Variants in RBPJ observed in about 807,000 individuals in gnomAD.
RBPJ encodes recombination signal binding protein for immunoglobulin kappa J region.
A neutral mutation model predicts 67.8 loss-of-function variants in RBPJ; 9 were observed. That is an observed-to-expected ratio of 0.13 (90% CI 0.08 to 0.23). RBPJ has a LOEUF of 0.23. Ranked by LOEUF, RBPJ falls within the 10% of genes least tolerant of loss-of-function variation. The probability of loss-of-function intolerance (pLI) is 1.00; values close to 1 mark genes in which losing one functional copy is unlikely to be tolerated. For synonymous variants in RBPJ, 198 were observed against 203.3 expected, an observed-to-expected ratio of 0.97 and a Z score of 0.22; for missense variants, 305 against 595.6, an observed-to-expected ratio of 0.51 and a Z score of 5.08.
intron 1 of RBPJ, among the ~76,000 whole-genome samples, chr4:26,340,331 G>A (rs1305959843): frequency 2.0e-5 from 3 of 152,172 alleles, no homozygotes; most frequent in Admixed American, 6.5e-5. Context: ...CCAGGTTGGA[G>A]CAGAGTAGTA....
rs184813064 is a variant in RBPJ, at chr4:26,313,811, G to A, written c.-166-48635G>A. Among the ~76,000 whole-genome samples the A allele has an allele frequency of 5.9e-5, 9 of 152,182 alleles. No homozygotes were observed. The East Asian group carries it at 1.5e-3, about 26-fold the overall frequency. Reference sequence around the variant, plus strand: ...AGATTGCACCAATGCACTCCAGCCTGGGCATCAAGAGCGAAACTTTGTCCC... The same window carrying A: ...AGATTGCACCAATGCACTCCAGCCTAGGCATCAAGAGCGAAACTTTGTCCC... On this transcript the variant is annotated intron_variant, in intron 1 of 4. Transcript: ENST00000512351.
intron 1 of RBPJ, among the ~76,000 whole-genome samples, chr4:26,190,479 A>T (rs139058945): frequency 8.3e-4 from 127 of 152,320 alleles, no homozygotes; most frequent in African/African-American, 2.8e-3. Context: ...TGGGTAATGT[A>T]CCATGATATG....
the RBPJ span, among the ~76,000 whole-genome samples, chr4:26,130,494 C>T: frequency 2.6e-5 from 4 of 152,160 alleles, no homozygotes; most frequent in African/African-American, 9.7e-5. Context: ...CAGGTCTCCC[C>T]TGCCTGGTCT....
chr4:26,176,641 C>T (rs930984591), intron 1 of RBPJ, among the ~76,000 whole-genome samples: 1 of 152,242 alleles, frequency 6.6e-6, no homozygotes, highest in Non-Finnish European at 1.5e-5. Flanking sequence ...TATGCTTCAG[C>T]GCTTGGAGGC....
At chr4:26,297,115 C>A (rs778524587) in intron 1 of RBPJ, among the ~76,000 whole-genome samples, 41 of 152,046 alleles carry the variant, frequency 2.7e-4, no homozygotes, top group Non-Finnish European at 5.3e-4. Flanking sequence ...GGCAACACAG[C>A]GAGCCCCGGT....
At position 26,433,443 on chromosome 4, in the gene RBPJ, A is replaced by T. The variant is rs1348940388; in HGVS notation, c.*2436A>T. 1 of 152,242 alleles carries T rather than the reference A, an allele frequency of 6.6e-6. No individual in the cohort carries two copies. The highest frequency in any genetic ancestry group is 2.4e-5 in the African/African-American group (1 of 41,460). The allele number at this position is 152,242 out of a possible 1,614,324, so 9.4% of individuals were successfully genotyped here. A position where few individuals can be genotyped will look rare whatever the true frequency, so the allele number is the denominator to read the frequency against. On this transcript the variant is annotated 3_prime_UTR_variant, in exon 11 of 11. Transcript: ENST00000355476. Reference sequence around the variant, plus strand: ...AATAACAAAAGAGATACTTTTGAAGAACAAACTATTCCTTACCCATTTTTG... The same window carrying T: ...AATAACAAAAGAGATACTTTTGAAGTACAAACTATTCCTTACCCATTTTTG...
the RBPJ span, among the ~76,000 whole-genome samples, chr4:26,146,992 A>G: frequency 6.6e-6 from 1 of 152,222 alleles, no homozygotes; most frequent in Admixed American, 6.5e-5. Context: ...CGGCTCCGTC[A>G]AAGTAGGAAA....
At chr4:26,408,181 C>G (rs56928218) in intron 3 of RBPJ, among the ~76,000 whole-genome samples, 1 of 151,936 alleles carries the variant, frequency 6.6e-6, no homozygotes, top group Non-Finnish European at 1.5e-5. Flanking sequence ...GAAGGTAAAG[C>G]TATTTAATTG....
intron 1 of RBPJ, among the ~76,000 whole-genome samples, chr4:26,224,079 ATATTAT>A (rs1412095390): frequency 6.6e-6 from 1 of 152,194 alleles, no homozygotes; most frequent in Admixed American, 6.5e-5. Context: ...TTAATGATTG[ATATTAT>A]TAGTATTGAT....
the RBPJ span, among the ~76,000 whole-genome samples, chr4:26,116,391 A>G: frequency 6.6e-6 from 1 of 152,230 alleles, no homozygotes; most frequent in Non-Finnish European, 1.5e-5. Flanking sequence ...ATGGAAGCCA[A>G]ATCTCTCAAG....
intron 1 of RBPJ, among the ~76,000 whole-genome samples, chr4:26,198,291 A>G (rs1276071442): frequency 2.0e-5 from 3 of 151,830 alleles, no homozygotes; most frequent in African/African-American, 4.8e-5. Context: ...AAAACAAAAA[A>G]TACTATGAGG....
intron 1 of RBPJ, among the ~76,000 whole-genome samples, chr4:26,185,839 C>A (rs1345029217): frequency 6.6e-6 from 1 of 152,146 alleles, no homozygotes; most frequent in African/African-American, 2.4e-5. Context: ...GCCGGTGGAT[C>A]ACCTGAGGCC....
At chr4:26,184,999 G>A (rs891991524) in intron 1 of RBPJ, among the ~76,000 whole-genome samples, 26 of 152,118 alleles carry the variant, frequency 1.7e-4, no homozygotes, top group African/African-American at 6.3e-4. Flanking sequence ...AAAATTAGCT[G>A]GGTGTGGCAT....
chr4:26,162,305 T>TGCTAATATCAGCAAAGCACTGA (rs1200888136), upstream of RBPJ, among the ~76,000 whole-genome samples: 1 of 152,230 alleles, frequency 6.6e-6, no homozygotes, highest in Non-Finnish European at 1.5e-5. Flanking sequence ...GGACTTTCCA[T>TGCTAATATCAGCAAAGCACTGA]GCTAATATCA....
chr4:26,289,560 G>A (rs542799808), intron 1 of RBPJ, among the ~76,000 whole-genome samples: 1 of 150,634 alleles, frequency 6.6e-6, no homozygotes, highest in South Asian at 2.1e-4. Flanking sequence ...GAGTGAGCAT[G>A]CATGCTATCA....
At chr4:26,136,006 G>A in the RBPJ span, among the ~76,000 whole-genome samples, 1 of 152,326 alleles carries the variant, frequency 6.6e-6, no homozygotes, top group East Asian at 1.9e-4. Context: ...AATCACAGTG[G>A]AAGGCAAATG....
chr4:26,233,408 T>G (rs2109208084), intron 1 of RBPJ, among the ~76,000 whole-genome samples: 1 of 152,370 alleles, frequency 6.6e-6, no homozygotes, highest in Non-Finnish European at 1.5e-5. Context: ...AAAAGTTTCC[T>G]TCTTCACTTA....
chr4:26,361,554 A>G (rs977998092), intron 1 of RBPJ, among the ~76,000 whole-genome samples: 1 of 151,968 alleles, frequency 6.6e-6, no homozygotes, highest in African/African-American at 2.4e-5. Flanking sequence ...GTTTTCATCT[A>G]CGTCTTTCCT....
At chr4:26,147,953 A>G in the RBPJ span, among the ~76,000 whole-genome samples, 1 of 152,228 alleles carries the variant, frequency 6.6e-6, no homozygotes, top group East Asian at 1.9e-4. Context: ...TTTGTTAGAA[A>G]TGCACATTTC....
Sources: gnomAD v4.1 joint callset for allele counts (sites outside exome capture counted in the v4.1 genomes callset) on GRCh38, gnomAD v4.1.1 for gene constraint, MANE v1.5 for transcripts, NCBI Gene and HGNC (gene_info 2026-07-23, HGNC 2026-07-21) for gene names.